The following HYDIN variants were observed in gnomAD, a reference collection of about 807,000 sequenced individuals.
HYDIN encodes axonemal central pair apparatus protein HYDIN.
Under a neutral mutation model 403.9 loss-of-function variants are expected in HYDIN, and 132 were observed. That is an observed-to-expected ratio of 0.33 (90% confidence interval 0.28 to 0.38). The LOEUF (loss-of-function observed/expected upper bound fraction) is 0.38, where lower values mean the gene tolerates loss of function less well. HYDIN is among the 10% of genes least tolerant of loss of function. The probability of loss-of-function intolerance (pLI) is 1.00; values close to 1 mark genes in which losing one functional copy is unlikely to be tolerated. For missense variants in HYDIN, 2,827 were observed against 5,009.5 expected (o/e 0.56, Z 13.15); for synonymous variants, 1,202 against 1,891.7 (o/e 0.64, Z 9.46).
chr16:70,889,836 A>G, intron 57 of HYDIN, 132 bp from the exon 58 acceptor site: 1 of 682,594 alleles, frequency 1.5e-6, no homozygotes, highest in Non-Finnish European at 2.6e-6. Flanking sequence ...CCAAGAGGAC[A>G]CTGGAGTGGC....
At chr16:71,182,689 T>C (rs1200518583) in intron 3 of HYDIN, among the ~76,000 whole-genome samples, 2 of 152,128 alleles carry the variant, frequency 1.3e-5, no homozygotes, top group Non-Finnish European at 2.9e-5. Context: ...GCTGACTATA[T>C]GATCCAGAGT....
chr16:70,836,501 G>T (rs946110287), intron 77 of HYDIN, among the ~76,000 whole-genome samples: 3 of 152,218 alleles, frequency 2.0e-5, no homozygotes, highest in Non-Finnish European at 4.4e-5. Flanking sequence ...AGAGATGATG[G>T]TGGTTGGATT....
chr16:70,870,032 A>C (rs1365485842), intron 65 of HYDIN, among the ~76,000 whole-genome samples: 8 of 152,112 alleles, frequency 5.3e-5, no homozygotes, highest in Admixed American at 5.2e-4. Context: ...GCTATGTTTT[A>C]GCAAAGAGAC....
At chr16:71,179,271 G>A (rs933965515) in intron 3 of HYDIN, among the ~76,000 whole-genome samples, 4 of 151,388 alleles carry the variant, frequency 2.6e-5, no homozygotes, top group Admixed American at 2.6e-4. Flanking sequence ...CTTTCAAGGA[G>A]CAAAAACACA....
At chr16:70,854,425 T>C (rs920593781) in intron 73 of HYDIN, among the ~76,000 whole-genome samples, 1 of 150,574 alleles carries the variant, frequency 6.6e-6, no homozygotes, top group Non-Finnish European at 1.5e-5. Context: ...TTATTAATTT[T>C]TTTTTTGAGA....
At chr16:70,923,966 G>C (rs922251215) in intron 45 of HYDIN, among the ~76,000 whole-genome samples, 4 of 151,948 alleles carry the variant, frequency 2.6e-5, no homozygotes, top group Non-Finnish European at 5.9e-5. Context: ...AAAGAGAAAG[G>C]TACAAATAAA....
chr16:70,872,613 C>G (rs1488261708), intron 64 of HYDIN, among the ~76,000 whole-genome samples: 9 of 144,704 alleles, frequency 6.2e-5, no homozygotes, highest in African/African-American at 7.8e-5. Flanking sequence ...CCATCATCCA[C>G]CCACCCACCC....
At chr16:71,169,372 G>T (rs988741428) in intron 5 of HYDIN, among the ~76,000 whole-genome samples, 3 of 152,170 alleles carry the variant, frequency 2.0e-5, no homozygotes, top group African/African-American at 7.2e-5. Context: ...GGTAGAGGCT[G>T]CAGTGAGCTG....
At chr16:71,107,527 T>C (rs530221188) in intron 10 of HYDIN, among the ~76,000 whole-genome samples, 2 of 151,614 alleles carry the variant, frequency 1.3e-5, no homozygotes, top group Non-Finnish European at 2.9e-5. Context: ...GAACAAATAC[T>C]TTTCAAAAGA....
At chr16:71,076,536 A>C (rs1045004791) in intron 13 of HYDIN, among the ~76,000 whole-genome samples, 9 of 108,492 alleles carry the variant, frequency 8.3e-5, no homozygotes, top group Non-Finnish European at 1.4e-4. Context: ...GTAGTGTGGG[A>C]ACACATGAGA....
rs1596990488 is a variant in HYDIN at position 70,802,359 on chromosome 16, A to C, written c.*5221T>G. The C allele has an allele frequency of 2.6e-5, 4 of 152,350 alleles. No homozygotes were observed. Among genetic ancestry groups the C allele is most frequent in the African/African-American group, 9.6e-5 (4 of 41,578 alleles). 9.4% of individuals were successfully genotyped at this position (152,350 alleles called of 1,614,324 possible). ...ATCGCAGAAGAGATTTTGCAGATGT[A>C]ATTAAGGTCCCTAATCAGCAGACAT... is the stretch of plus-strand genomic sequence containing the variant. On this transcript the variant is annotated 3_prime_UTR_variant, in exon 86 of 86. Coordinates refer to ENST00000393567, the MANE Select transcript of HYDIN (RefSeq NM_001270974.2).
In HYDIN at chr16:70,938,636, C is replaced by T. The variant is rs1235249299; in HGVS notation, c.6973G>A (p.Ala2325Thr). The T allele has an allele frequency of 1.2e-6, 2 of 1,602,074 alleles. No individual in the cohort carries two copies. The change falls in exon 44 of 86, where the codon GCG becomes ACG. Residue 2325 changes from alanine to threonine, a missense_variant. Ala to Thr is a moderately conservative substitution (Grantham distance 58). Coordinates refer to ENST00000393567, the MANE Select transcript of HYDIN (RefSeq NM_001270974.2). ...KLTFDRGIQQALRERKKREQE... is the reference protein window; with the variant it reads ...KLTFDRGIQQTLRERKKREQE... Reference sequence around the variant, plus strand: ...GACCTCTTCTTCCGCTCGCGGAGCGCCTGCTGAATCCCCCGATCGAATGTG... The same window carrying T: ...GACCTCTTCTTCCGCTCGCGGAGCGTCTGCTGAATCCCCCGATCGAATGTG...
chr16:70,922,349 C>G (rs949243952), intron 45 of HYDIN, among the ~76,000 whole-genome samples: 2 of 152,202 alleles, frequency 1.3e-5, no homozygotes, highest in African/African-American at 4.8e-5. Flanking sequence ...ACTGTGGGAG[C>G]CCAGCGTAGA....
chr16:71,175,687 T>C lies in HYDIN; in HGVS notation c.436A>G (p.Ser146Gly), dbSNP rs2086644282. Residue 146 changes from serine (S) to glycine (G), a missense_variant, in exon 5 of 86, where the codon AGC becomes GGC. Transcript: ENST00000393567. ...ACTTTGTGGCCAATATCTTTGGGGC[T>C]GATTACTTTAAAGTAAGGCGAACTT... ...EESSPYFKVI[S>G]PKDIGHKVAP... 1 of 1,614,074 alleles carries C rather than the reference T, an allele frequency of 6.2e-7. No individual in the cohort carries two copies.
At chr16:71,165,690 T>TCATG (rs376079521) in intron 5 of HYDIN, among the ~76,000 whole-genome samples, 2 of 151,930 alleles carry the variant, frequency 1.3e-5, no homozygotes, top group African/African-American at 4.8e-5. Context: ...GGGAAATAAA[T>TCATG]CATGATATGG....
chr16:71,031,566 G>C, intron 19 of HYDIN, 113 bp downstream of exon 19: 1 of 1,330,200 alleles, frequency 7.5e-7, no homozygotes, highest in East Asian at 2.5e-5. Context: ...GAAAGGAGAG[G>C]GACTGAGGTG....
chr16:71,027,994 T>TTC (rs2080772450), intron 19 of HYDIN, 119 bp from the exon 20 acceptor site: 1 of 339,856 alleles, frequency 2.9e-6, no homozygotes, highest in Non-Finnish European at 5.1e-6. Context: ...ATATAAGACT[T>TTC]TTTTTTTTTT....
intron 18 of HYDIN, among the ~76,000 whole-genome samples, chr16:71,037,254 C>T (rs1236863137): frequency 2.8e-5 from 4 of 144,160 alleles, no homozygotes; most frequent in Middle Eastern, 3.4e-3. Context: ...TCCTCAAGAA[C>T]GAAAGCTATC....
At chr16:70,859,704 A>G (rs1469173055) in intron 71 of HYDIN, among the ~76,000 whole-genome samples, 23 of 152,156 alleles carry the variant, frequency 1.5e-4, no homozygotes, top group Non-Finnish European at 1.5e-5. Context: ...GTAAAAACAC[A>G]TCGTGTCCTT....
Sources: allele counts gnomAD v4.1 joint callset (sites outside exome capture counted in the v4.1 genomes callset), GRCh38; gene constraint gnomAD v4.1.1; transcripts MANE v1.5; gene names NCBI Gene and HGNC (gene_info 2026-07-23, HGNC 2026-07-21).